Variants in NREP observed in about 807,000 individuals in gnomAD.
NREP encodes neuronal regeneration related protein.
Under a neutral mutation model 8.6 loss-of-function variants are expected in NREP, and 5 were observed. The observed-to-expected ratio is 0.58, with a 90% CI of 0.30 to 1.22. The LOEUF (loss-of-function observed/expected upper bound fraction) is 1.22. Ranked by LOEUF, NREP falls within the 50% of genes most tolerant of loss-of-function variation. The pLI, the probability that NREP is intolerant of heterozygous loss-of-function variation, is 0.07. For missense variants in NREP, 86 were observed against 82.5 expected, an observed-to-expected ratio of 1.04 and a Z score of -0.17; for synonymous variants, 27 against 28.0, an observed-to-expected ratio of 0.96 and a Z score of 0.11.
intron 2 of NREP, among the ~76,000 whole-genome samples, chr5:111,900,021 C>T (rs1046207348): frequency 6.6e-6 from 1 of 152,074 alleles, no homozygotes; most frequent in Non-Finnish European, 1.5e-5. Flanking sequence ...ATGGAGCATT[C>T]TGTAGGATAG....
At chr5:111,880,798 G>C (rs201048996) in intron 2 of NREP, among the ~76,000 whole-genome samples, 1 of 140,992 alleles carries the variant, frequency 7.1e-6, no homozygotes, top group African/African-American at 2.7e-5. Context: ...GTGCAGTGCC[G>C]TGATCATGGC....
intron 2 of NREP, among the ~76,000 whole-genome samples, chr5:111,762,770 C>T (rs772367814): frequency 1.3e-5 from 2 of 152,186 alleles, no homozygotes; most frequent in Non-Finnish European, 2.9e-5. Context: ...GCCCTCCGGT[C>T]TGTGGTACTT....
chr5:111,847,591 C>T (rs1753213407), intron 2 of NREP, among the ~76,000 whole-genome samples: 1 of 152,128 alleles, frequency 6.6e-6, no homozygotes, highest in African/African-American at 2.4e-5. Flanking sequence ...TCCTGCAAAG[C>T]AGTATGGTCC....
chr5:111,874,377 T>C lies in NREP; in HGVS notation c.135+100897A>G, dbSNP rs1478111868. Among the ~76,000 whole-genome samples, 8 of 152,186 alleles carry C rather than the reference T, an allele frequency of 5.3e-5. 1 individual carries two copies. Among genetic ancestry groups the C allele is most frequent in the Admixed American group, 3.9e-4 (6 of 15,282 alleles). On this transcript the variant is annotated intron_variant, in intron 2 of 3. Coordinates refer to the NREP transcript ENST00000395634. ...GTATAAACTCTTTCACTTATTGAGA[T>C]CAATGTGCTTTGATTCTCAAATGAC...
At chr5:111,747,933 AG>A (rs1344993371) in intron 2 of NREP, among the ~76,000 whole-genome samples, 2 of 152,156 alleles carry the variant, frequency 1.3e-5, no homozygotes, top group Non-Finnish European at 2.9e-5. Context: ...TCACTTTAAA[AG>A]ATTTCATTAC....
At chr5:111,878,879 CTAAGTTG>C (rs1561706303) in intron 2 of NREP, among the ~76,000 whole-genome samples, 1 of 152,154 alleles carries the variant, frequency 6.6e-6, no homozygotes, top group East Asian at 1.9e-4. Context: ...GTTATTTAGC[CTAAGTTG>C]TAATTACTCA....
chr5:111,949,605 G>T (rs1756096472), intron 2 of NREP, among the ~76,000 whole-genome samples: 1 of 152,008 alleles, frequency 6.6e-6, no homozygotes, highest in South Asian at 2.1e-4. Flanking sequence ...GGTTGCCCTG[G>T]TGTGTGATGT....
At chr5:111,851,594 G>A (rs964627128) in intron 2 of NREP, among the ~76,000 whole-genome samples, 29 of 152,110 alleles carry the variant, frequency 1.9e-4, no homozygotes, top group African/African-American at 6.5e-4. Context: ...TGCAATTAAC[G>A]TGAAAGTGCA....
chr5:111,799,119 T>C (rs1318694924), intron 2 of NREP, among the ~76,000 whole-genome samples: 1 of 152,212 alleles, frequency 6.6e-6, no homozygotes, highest in Admixed American at 6.5e-5. Context: ...TCTGTTCCAT[T>C]GGTCTATGTG....
At chr5:111,896,537 A>G (rs1362577423) in intron 2 of NREP, among the ~76,000 whole-genome samples, 1 of 152,200 alleles carries the variant, frequency 6.6e-6, no homozygotes, top group African/African-American at 2.4e-5. Context: ...AACGACTAAT[A>G]TCCAGAAGCC....
rs865779019 is a variant in NREP, at chr5:111,751,441, C to T, written c.3+4329G>A. Reference sequence around the variant, plus strand: ...CTATTCTTGAAGCTCTTCCTAGGTACAAAATATATTCAGAAAAATCTATTT... The same window carrying T: ...CTATTCTTGAAGCTCTTCCTAGGTATAAAATATATTCAGAAAAATCTATTT... On this transcript the variant is annotated intron_variant, in intron 2 of 3. Coordinates refer to ENST00000257435, the MANE Select transcript of NREP (RefSeq NM_004772.4). Among the ~76,000 whole-genome samples the T allele has an allele frequency of 2.0e-5, 3 of 152,222 alleles. No homozygotes were observed. The Middle Eastern group carries it at 0.01, about 518-fold the overall frequency.
rs373404419 is a variant in NREP, at chr5:111,927,851, T to A, written c.135+47423A>T. On this transcript the variant is annotated intron_variant, in intron 2 of 3. Transcript: ENST00000395634. The stretch of plus-strand genomic sequence containing the variant: ...GCCACAGATCCTACTGTAACTTGTG[T>A]TTCTTTTTCCCAGGTGCATCCTCAA... Among the ~76,000 whole-genome samples the A allele has an allele frequency of 2.2e-4, 34 of 152,330 alleles. 1 individual carries two copies. The highest frequency in any genetic ancestry group is 1.7e-3 in the East Asian group (9 of 5,174).
At chr5:111,869,531 T>C (rs1192904337) in intron 2 of NREP, among the ~76,000 whole-genome samples, 1 of 152,188 alleles carries the variant, frequency 6.6e-6, no homozygotes, top group African/African-American at 2.4e-5. Flanking sequence ...TGGACTTGTT[T>C]ATAGTTGGGC....
chr5:111,876,498 G>T (rs1220915601), intron 2 of NREP, among the ~76,000 whole-genome samples: 2 of 152,084 alleles, frequency 1.3e-5, no homozygotes, highest in African/African-American at 4.8e-5. Context: ...CAAGCCACTG[G>T]TCTCCAATGA....
chr5:111,976,802 G>T (rs1049831334), exon 1 of NREP: 19 of 1,443,356 alleles, frequency 1.3e-5, no homozygotes, highest in Non-Finnish European at 1.7e-5. Context: ...GCTTCTTGCC[G>T]GGAGTTGGCC....
chr5:111,838,380 A>T (rs922680838), intron 2 of NREP, among the ~76,000 whole-genome samples: 3 of 152,154 alleles, frequency 2.0e-5, no homozygotes, highest in African/African-American at 7.2e-5. Flanking sequence ...GGTTAGTTTT[A>T]TGTGTCAACT....
At chr5:111,952,978 C>T (rs1756207243) in intron 2 of NREP, among the ~76,000 whole-genome samples, 1 of 152,108 alleles carries the variant, frequency 6.6e-6, no homozygotes, top group African/African-American at 2.4e-5. Context: ...ATCATGAAGA[C>T]ATGAGTCCCT....
chr5:111,730,041 TTCTC>T lies in NREP; in HGVS notation c.*876_*879del. 6.9e-6 allele frequency: 1 copy of T among 145,826 alleles called. No homozygotes were observed. Among genetic ancestry groups the T allele is most frequent in the South Asian group, 2.1e-4 (1 of 4,710 alleles). 9.0% of individuals were successfully genotyped at this position (145,826 alleles called of 1,614,324 possible). On this transcript the variant is annotated 3_prime_UTR_variant, in exon 4 of 4. Coordinates refer to ENST00000257435, the MANE Select transcript of NREP (RefSeq NM_004772.4). ...ATGCCTGTAAAATTATTGCTTTTCTTTCTCTAAGTCAGGCAGGCGAGGCTACGGA... is the reference window on the plus strand; with the variant it reads ...ATGCCTGTAAAATTATTGCTTTTCTTTAAGTCAGGCAGGCGAGGCTACGGA...
exon 2 of NREP, chr5:111,975,306 G>C: frequency 6.4e-7 from 1 of 1,551,486 alleles, no homozygotes; most frequent in South Asian, 1.2e-5. Flanking sequence ...CAGTGAACCT[G>C]GAAACATTTG....
Sources: allele counts gnomAD v4.1 joint callset (sites outside exome capture counted in the v4.1 genomes callset), GRCh38; gene constraint gnomAD v4.1.1; transcripts MANE v1.5; gene names NCBI Gene and HGNC (gene_info 2026-07-23, HGNC 2026-07-21).